GSE1: variants seen among roughly 807,000 people sequenced by gnomAD.
GSE1 encodes Gse1 coiled-coil protein, also known as genetic suppressor element 1.
In GSE1, 32 loss-of-function variants were observed where a neutral mutation model predicts 112.6. That is an observed-to-expected ratio of 0.28 (90% CI 0.21 to 0.38). The LOEUF (loss-of-function observed/expected upper bound fraction) is 0.38. Ranked by LOEUF, GSE1 falls within the 10% of genes least tolerant of loss-of-function variation. The pLI, the probability that GSE1 is intolerant of heterozygous loss-of-function variation, is 1.00. For missense variants in GSE1, 2,348 were observed against 1,699.2 expected (o/e 1.38, Z -6.71); for synonymous variants, 1,115 against 735.6 (o/e 1.52, Z -8.35).
chr16:85,343,258 C>T (rs540916857), intron 1 of GSE1, among the ~76,000 whole-genome samples: 30 of 152,126 alleles, frequency 2.0e-4, no homozygotes, highest in African/African-American at 7.0e-4. Flanking sequence ...CCCAAAGGAC[C>T]GAGCACTGTG....
chr16:85,215,952 C>G (rs755138987), intron 1 of GSE1, among the ~76,000 whole-genome samples: 14 of 152,202 alleles, frequency 9.2e-5, no homozygotes, highest in Non-Finnish European at 1.6e-4. Context: ...GCAAACCCAG[C>G]TGTGAGCAGA....
intron 1 of GSE1, among the ~76,000 whole-genome samples, chr16:85,590,781 G>A (rs868856483): frequency 6.6e-6 from 1 of 152,170 alleles, no homozygotes; most frequent in African/African-American, 2.4e-5. Context: ...GCCCGGCCAC[G>A]CTGCACCACC....
intron 2 of GSE1, among the ~76,000 whole-genome samples, chr16:85,646,450 G>C (rs2050877894): frequency 1.3e-5 from 2 of 152,246 alleles, no homozygotes; most frequent in African/African-American, 4.8e-5. Flanking sequence ...GGGTGGACAT[G>C]TGCCTGCTCC....
At chr16:85,204,077 C>G (rs1431101256) in intron 1 of GSE1, among the ~76,000 whole-genome samples, 1 of 152,148 alleles carries the variant, frequency 6.6e-6, no homozygotes, top group Non-Finnish European at 1.5e-5. Flanking sequence ...GCCAATTTCC[C>G]AAAACTTTAA....
At chr16:85,518,837 C>T (rs78559667) in intron 2 of GSE1, among the ~76,000 whole-genome samples, 2 of 152,112 alleles carry the variant, frequency 1.3e-5, no homozygotes, top group Non-Finnish European at 2.9e-5. Flanking sequence ...GAGATACCCA[C>T]GCAGGAAGGA....
intron 2 of GSE1, among the ~76,000 whole-genome samples, chr16:85,638,730 G>A (rs1017025680): frequency 4.7e-5 from 6 of 128,328 alleles, no homozygotes; most frequent in Non-Finnish European, 6.4e-5. Flanking sequence ...CACCTCCTAC[G>A]TGCCTCCCCT....
rs557653915 is a variant in GSE1 at position 85,248,159 on chromosome 16, C to T, written c.2283+76352C>T. Among the ~76,000 whole-genome samples, 16 of 152,238 alleles carry T rather than the reference C, an allele frequency of 1.1e-4. No homozygotes were observed. In the East Asian group the frequency reaches 2.9e-3, roughly 28 times the overall value. ...GACCCTGCTGCTCATCTTGTGGGGA[C>T]CCCGCTGGGCAGGTGGGCTTGGGAC... On this transcript the variant is annotated intron_variant, in intron 1 of 2. Transcript: ENST00000637419.
At chr16:85,204,920 G>C (rs367797393) in intron 1 of GSE1, among the ~76,000 whole-genome samples, 15 of 152,190 alleles carry the variant, frequency 9.9e-5, no homozygotes, top group East Asian at 3.8e-4. Flanking sequence ...CAGAGTTCTG[G>C]AGTCCATGCA....
intron 1 of GSE1, among the ~76,000 whole-genome samples, chr16:85,180,983 A>C (rs756342442): frequency 6.6e-6 from 1 of 152,232 alleles, no homozygotes; most frequent in Non-Finnish European, 1.5e-5. Flanking sequence ...AACCATTTCA[A>C]CGTTTTAAGT....
At chr16:85,326,795 C>A (rs947742555) in intron 1 of GSE1, among the ~76,000 whole-genome samples, 6 of 152,196 alleles carry the variant, frequency 3.9e-5, no homozygotes, top group Admixed American at 1.3e-4. Context: ...TCAGCAAGCA[C>A]GTGTGGGCAC....
At chr16:85,212,139 C>G (rs749625238) in intron 1 of GSE1, among the ~76,000 whole-genome samples, 6 of 152,234 alleles carry the variant, frequency 3.9e-5, no homozygotes, top group Non-Finnish European at 8.8e-5. Context: ...GGCGCGGTGG[C>G]TCATGCCTGG....
chr16:85,497,939 G>A (rs930919727), intron 2 of GSE1, among the ~76,000 whole-genome samples: 12 of 152,188 alleles, frequency 7.9e-5, no homozygotes, highest in South Asian at 4.2e-4. Context: ...AGCTGACATC[G>A]CTTTTACCAG....
chr16:85,217,049 G>A (rs1413896659), intron 1 of GSE1, among the ~76,000 whole-genome samples: 1 of 152,206 alleles, frequency 6.6e-6, no homozygotes, highest in Non-Finnish European at 1.5e-5. Flanking sequence ...TTGGATTTGG[G>A]GCCTTGGCTG....
At chr16:85,310,906 G>C (rs1057425016) in intron 1 of GSE1, among the ~76,000 whole-genome samples, 42 of 152,170 alleles carry the variant, frequency 2.8e-4, no homozygotes, top group African/African-American at 9.9e-4. Flanking sequence ...TCAGGGGCTG[G>C]GGATGGAGGG....
intron 1 of GSE1, among the ~76,000 whole-genome samples, chr16:85,615,207 C>T (rs2048297277): frequency 6.6e-6 from 1 of 152,248 alleles, no homozygotes; most frequent in African/African-American, 2.4e-5. Context: ...TCAGCCGCCA[C>T]GCCACAGGTG....
chr16:85,426,824 G>A (rs1567477909), intron 2 of GSE1, among the ~76,000 whole-genome samples: 1 of 152,136 alleles, frequency 6.6e-6, no homozygotes, highest in Admixed American at 6.5e-5. Flanking sequence ...ATTAACCCTG[G>A]CTTCAGCCCA....
intron 1 of GSE1, among the ~76,000 whole-genome samples, chr16:85,179,570 T>G (rs1003470636): frequency 6.6e-6 from 1 of 152,170 alleles, no homozygotes; most frequent in Non-Finnish European, 1.5e-5. Context: ...AGGACTGTTT[T>G]CCCGTTGGGG....
Position 85,186,901 on chromosome 16 carries a change from C to T in GSE1, c.2283+15094C>T, listed in dbSNP as rs146501778. On this transcript the variant is annotated intron_variant, in intron 1 of 2. Coordinates refer to the GSE1 transcript ENST00000637419. ...ATGTATCGATTACAAGACATTATCT[C>T]ACTGACCCTGTAAACAGGACCCTCT... 7.9e-5 allele frequency among the ~76,000 whole-genome samples: 12 copies of T among 152,330 alleles called. No homozygotes were observed. The East Asian group carries it at 2.1e-3, about 27-fold the overall frequency.
In GSE1 at chr16:85,634,017, C is replaced by T. The variant is rs370372940; in HGVS notation, c.111C>T (p.Ala37=). 307 of 1,612,046 alleles carry T rather than the reference C, an allele frequency of 1.9e-4. 2 individuals carry two copies. The East Asian group carries it at 4.3e-3, about 23-fold the overall frequency. The change falls in exon 2 of 16, where the codon GCC becomes GCT. Residue 37 remains alanine (A), a synonymous_variant. Coordinates refer to ENST00000253458, the MANE Select transcript of GSE1 (RefSeq NM_014615.5). ...TCACCCCCTCGCCGCTCAATGGCGC[C>T]CTGGTGCCCAGCGGCAGCCCCGCCA... ...NPLTPSPLNG[A]LVPSGSPATS...
Sources: allele counts gnomAD v4.1 joint callset (sites outside exome capture counted in the v4.1 genomes callset), GRCh38; gene constraint gnomAD v4.1.1; transcripts MANE v1.5; gene names NCBI Gene and HGNC (gene_info 2026-07-23, HGNC 2026-07-21).